RAP1A: variants seen among roughly 807,000 people sequenced by gnomAD.
RAP1A encodes ras-related protein Rap-1A.
Under a neutral mutation model 26.4 loss-of-function variants are expected in RAP1A, and 6 were observed. The observed-to-expected ratio is 0.23, with a 90% CI of 0.12 to 0.45. The LOEUF is 0.45. RAP1A is among the 20% of genes least tolerant of loss of function. RAP1A has a pLI of 0.99. For missense variants in RAP1A, 121 were observed against 217.2 expected (o/e 0.56, Z 2.78); for synonymous variants, 73 against 79.4 (o/e 0.92, Z 0.43).
At chr1:111,586,619 A>G (rs1571484608) in intron 1 of RAP1A, among the ~76,000 whole-genome samples, 2 of 152,174 alleles carry the variant, frequency 1.3e-5, no homozygotes, top group African/African-American at 4.8e-5. Flanking sequence ...TGGCAAGGAG[A>G]AAAATATGTG....
chr1:111,560,184 A>G (rs763816075), intron 1 of RAP1A, among the ~76,000 whole-genome samples: 9 of 152,212 alleles, frequency 5.9e-5, no homozygotes, highest in Non-Finnish European at 1.3e-4. Context: ...AACACATGAG[A>G]TCACAAGAGA....
At chr1:111,672,624 A>G (rs1231840488) in intron 1 of RAP1A, among the ~76,000 whole-genome samples, 1 of 152,186 alleles carries the variant, frequency 6.6e-6, no homozygotes, top group Non-Finnish European at 1.5e-5. Flanking sequence ...GACTCCATAG[A>G]TAGGTATCCC....
intron 1 of RAP1A, chr1:111,649,302 A>G: frequency 2.3e-6 from 1 of 441,454 alleles, no homozygotes; most frequent in Non-Finnish European, 4.4e-6. Flanking sequence ...TCCAGGTAGG[A>G]GGCCAGGCAT....
At chr1:111,608,221 C>A (rs1443075277) in intron 1 of RAP1A, 1 of 159,088 alleles carries the variant, frequency 6.3e-6, no homozygotes, top group Non-Finnish European at 1.4e-5. Context: ...ACCTCCCAGA[C>A]GGGGTCGCGG....
intron 1 of RAP1A, among the ~76,000 whole-genome samples, chr1:111,635,834 A>G (rs1659714120): frequency 6.6e-6 from 1 of 151,944 alleles, no homozygotes; most frequent in Non-Finnish European, 1.5e-5. Flanking sequence ...CAGCCTCCCA[A>G]AGTGTTGGAA....
chr1:111,653,896 A>G (rs1260576980), intron 1 of RAP1A, among the ~76,000 whole-genome samples: 1 of 152,156 alleles, frequency 6.6e-6, no homozygotes, highest in Non-Finnish European at 1.5e-5. Context: ...GGATAGATAG[A>G]GGAAGTGGTT....
At chr1:111,689,922 C>T (rs12738965) in intron 1 of RAP1A, among the ~76,000 whole-genome samples, 13,225 of 152,216 alleles carry the variant, frequency 0.087, 771 homozygotes, top group African/African-American at 0.18. Flanking sequence ...GTGATCCACC[C>T]GCCTCGACCT....
chr1:111,709,326 T>A, intron 7 of RAP1A, 62 bp downstream of exon 7: 1 of 1,443,616 alleles, frequency 6.9e-7, no homozygotes, highest in Non-Finnish European at 9.2e-7. Flanking sequence ...TTTTCCAGAC[T>A]TTAGCTACTT....
chr1:111,575,236 C>T (rs1464600017), intron 1 of RAP1A, among the ~76,000 whole-genome samples: 1 of 151,986 alleles, frequency 6.6e-6, no homozygotes, highest in Non-Finnish European at 1.5e-5. Flanking sequence ...GCAACTTCTG[C>T]CTCCAGAGTG....
At chr1:111,595,774 T>G (rs1658554119) in intron 1 of RAP1A, among the ~76,000 whole-genome samples, 1 of 152,222 alleles carries the variant, frequency 6.6e-6, no homozygotes, top group South Asian at 2.1e-4. Flanking sequence ...CAAAGTTGTA[T>G]GAATATCATT....
At position 111,648,543 on chromosome 1, in the gene RAP1A, G is replaced by C. The variant is rs1660154136; in HGVS notation, c.-28+28609G>C. The C allele has an allele frequency of 7.2e-6, 4 of 558,880 alleles. No individual in the cohort carries two copies. The Admixed American group carries it at 8.9e-5, about 12-fold the overall frequency. 34.6% of individuals were successfully genotyped at this position (558,880 alleles called of 1,614,324 possible). A position where few individuals can be genotyped will look rare whatever the true frequency, so the allele number is the denominator to read the frequency against. ...CTCTGCCCGGGTCTGTGCCAGCTCT[G>C]ACTGCAGTTGCAGCAGGATCCCGTT... is the stretch of plus-strand genomic sequence containing the variant. On this transcript the variant is annotated intron_variant, in intron 1 of 7. Transcript: ENST00000369709.
chr1:111,633,589 G>A (rs1571512855), intron 1 of RAP1A, among the ~76,000 whole-genome samples: 1 of 152,140 alleles, frequency 6.6e-6, no homozygotes, highest in Admixed American at 6.5e-5. Flanking sequence ...TTAGTATCTC[G>A]AAATTGGTCA....
intron 1 of RAP1A, among the ~76,000 whole-genome samples, chr1:111,669,179 A>G (rs1660897924): frequency 6.6e-6 from 1 of 152,194 alleles, no homozygotes; most frequent in Non-Finnish European, 1.5e-5. Flanking sequence ...AATGGAAAAT[A>G]TGTAAAAAGG....
At chr1:111,634,263 C>T (rs964429035) in intron 1 of RAP1A, among the ~76,000 whole-genome samples, 6 of 152,050 alleles carry the variant, frequency 3.9e-5, no homozygotes, top group African/African-American at 1.4e-4. Context: ...GGTTAATTTT[C>T]ACAATATAAT....
chr1:111,629,922 TAC>T (rs1429139997), intron 1 of RAP1A, among the ~76,000 whole-genome samples: 1 of 152,200 alleles, frequency 6.6e-6, no homozygotes, highest in Non-Finnish European at 1.5e-5. Flanking sequence ...GAATCTGAAC[TAC>T]AGTCATTCTC....
intron 1 of RAP1A, among the ~76,000 whole-genome samples, chr1:111,659,534 T>TTA (rs1354342762): frequency 3.9e-5 from 6 of 151,920 alleles, no homozygotes; most frequent in African/African-American, 1.4e-4. Context: ...TCTCTTATTA[T>TTA]TATACCTTAA....
chr1:111,655,625 A>C (rs1273323158), intron 1 of RAP1A, among the ~76,000 whole-genome samples: 1 of 131,748 alleles, frequency 7.6e-6, no homozygotes, highest in Non-Finnish European at 1.7e-5. Context: ...GATAAAACTA[A>C]TCTCCATGAA....
upstream of RAP1A, among the ~76,000 whole-genome samples, chr1:111,617,027 TGCATGTGTGTGTATGC>T (rs1571499492): frequency 6.6e-6 from 1 of 152,152 alleles, no homozygotes; most frequent in Admixed American, 6.5e-5. Flanking sequence ...TGTGTGGGTA[TGCATGTGTGTGTATGC>T]GCATGTGTGT....
chr1:111,652,029 A>G (rs1289320156), intron 1 of RAP1A, among the ~76,000 whole-genome samples: 1 of 151,918 alleles, frequency 6.6e-6, no homozygotes, highest in African/African-American at 2.4e-5. Context: ...GCTAAAGTGT[A>G]GTGGTGCAGT....
Sources: allele counts gnomAD v4.1 joint callset (sites outside exome capture counted in the v4.1 genomes callset), GRCh38; gene constraint gnomAD v4.1.1; transcripts MANE v1.5; gene names NCBI Gene and HGNC (gene_info 2026-07-23, HGNC 2026-07-21).